RPAP2: variants seen among roughly 807,000 people sequenced by gnomAD.
The protein encoded by RPAP2 is RNA polymerase II associated protein 2.
In RPAP2, 52 loss-of-function variants were observed where a neutral mutation model predicts 73.1. The observed-to-expected ratio is 0.71, with a 90% CI of 0.57 to 0.90. RPAP2 has a LOEUF of 0.90. Among genes scored for constraint, RPAP2 ranks in the 40% least tolerant of loss-of-function variants. The pLI is 0.00. For missense variants in RPAP2, 598 were observed against 701.8 expected (o/e 0.85, Z 1.67); for synonymous variants, 225 against 242.1 (o/e 0.93, Z 0.65).
At position 92,304,313 on chromosome 1, in the gene RPAP2, C is replaced by A; in HGVS notation, c.363C>A (p.Thr121=). 6.6e-7 allele frequency: 1 copy of A among 1,513,386 alleles called. No individual in the cohort carries two copies. Among genetic ancestry groups the A allele is most frequent in the South Asian group, 1.2e-5 (1 of 84,842 alleles). 93.7% of individuals were successfully genotyped at this position (1,513,386 alleles called of 1,614,324 possible). A position where few individuals can be genotyped will look rare whatever the true frequency, so the allele number is the denominator to read the frequency against. The part of the protein sequence containing the change: ...IVPKQKYKIS[T]KTNKVYDITE... Reference sequence around the variant, plus strand: ...CAAAACAGAAATATAAAATTTCTACCAAAACCAATAAAGTCTATGATATTA... The same window carrying A: ...CAAAACAGAAATATAAAATTTCTACAAAAACCAATAAAGTCTATGATATTA... The change falls in exon 5 of 13, where the codon ACC becomes ACA. Residue 121 remains threonine (T), a synonymous_variant. Transcript: ENST00000610020.
intron 10 of RPAP2, among the ~76,000 whole-genome samples, chr1:92,343,591 T>C (rs1397099834): frequency 6.6e-6 from 1 of 152,186 alleles, no homozygotes; most frequent in Non-Finnish European, 1.5e-5. Flanking sequence ...TTGATTCAGG[T>C]ATATATTTTA....
At chr1:92,380,568 C>T (rs532631701) in intron 11 of RPAP2, among the ~76,000 whole-genome samples, 156 bp from the exon 12 acceptor site, 3 of 152,338 alleles carry the variant, frequency 2.0e-5, no homozygotes, top group African/African-American at 7.2e-5. Flanking sequence ...TGAGACTTCT[C>T]TTCTGCCTTT....
chr1:92,362,400 T>C (rs554118288), intron 11 of RPAP2, among the ~76,000 whole-genome samples: 10 of 152,350 alleles, frequency 6.6e-5, no homozygotes, highest in Non-Finnish European at 1.2e-4. Flanking sequence ...TACAAAGTTT[T>C]AAAGCAGATT....
At chr1:92,363,597 ATGGGTTTATGGGTT>A (rs1654815763) in intron 11 of RPAP2, 1 of 163,588 alleles carries the variant, frequency 6.1e-6, no homozygotes, top group African/African-American at 2.4e-5. Context: ...CTTGAACAAC[ATGGGTTTATGGGTT>A]TGAACTGTGC....
intron 6 of RPAP2, among the ~76,000 whole-genome samples, chr1:92,319,418 G>A (rs1006118726): frequency 1.5e-4 from 23 of 152,102 alleles, no homozygotes; most frequent in African/African-American, 5.3e-4. Flanking sequence ...CTACATCGTT[G>A]TTATGAGGAT....
rs145309268 is a variant in RPAP2, at chr1:92,314,062, T to A, written c.489-6537T>A. 5.2e-4 allele frequency among the ~76,000 whole-genome samples: 79 copies of A among 152,306 alleles called. No individual in the cohort carries two copies. In the East Asian group the frequency reaches 0.014, roughly 28 times the overall value. ...TAACCTATCCAGACCACTAAAACTT[T>A]CTCTATACCAGCAATAAGGCTGTTT... is the stretch of plus-strand genomic sequence containing the variant. On this transcript the variant is annotated intron_variant, in intron 6 of 12. Transcript: ENST00000610020.
At chr1:92,361,879 G>T (rs939557783) in intron 11 of RPAP2, among the ~76,000 whole-genome samples, 3 of 152,074 alleles carry the variant, frequency 2.0e-5, no homozygotes, top group Non-Finnish European at 4.4e-5. Context: ...TAGAAGAATT[G>T]GTTATAGAGC....
intron 2 of RPAP2, 79 bp downstream of exon 2, chr1:92,300,318 G>T: frequency 8.7e-7 from 1 of 1,154,168 alleles, no homozygotes; most frequent in Admixed American, 2.1e-5. Flanking sequence ...AACAATAATG[G>T]TTACCTTTTT....
At chr1:92,342,433 G>A (rs1456656550) in intron 10 of RPAP2, among the ~76,000 whole-genome samples, 5 of 152,202 alleles carry the variant, frequency 3.3e-5, no homozygotes, top group African/African-American at 4.8e-5. Flanking sequence ...GGGGTTGGGT[G>A]TAGTACAGAC....
intron 11 of RPAP2, among the ~76,000 whole-genome samples, chr1:92,374,885 G>T (rs1655320492): frequency 6.6e-6 from 1 of 152,028 alleles, no homozygotes; most frequent in African/African-American, 2.4e-5. Flanking sequence ...TGGGTGATGG[G>T]TGCACCAGAA....
At chr1:92,380,604 T>C in intron 11 of RPAP2, 120 bp from the exon 12 acceptor site, 1 of 596,080 alleles carries the variant, frequency 1.7e-6, no homozygotes. Flanking sequence ...TCTCTGGGAG[T>C]TTAGTTAAAT....
At chr1:92,385,529 T>C (rs1263192090) in intron 12 of RPAP2, among the ~76,000 whole-genome samples, 1 of 152,166 alleles carries the variant, frequency 6.6e-6, no homozygotes, top group Non-Finnish European at 1.5e-5. Flanking sequence ...TGGTTGTGAG[T>C]AGAAGGATAG....
chr1:92,339,355 T>A (rs1018486607), intron 10 of RPAP2, among the ~76,000 whole-genome samples: 6 of 121,022 alleles, frequency 5.0e-5, no homozygotes, highest in Admixed American at 2.1e-4. Flanking sequence ...CCAAGGATTC[T>A]GATTTAATTG....
chr1:92,346,001 A>G, intron 11 of RPAP2, 87 bp downstream of exon 11: 5 of 930,154 alleles, frequency 5.4e-6, no homozygotes, highest in Non-Finnish European at 8.5e-6. Context: ...TGATTTTGTA[A>G]ACTGCCTTGG....
At chr1:92,358,124 A>G (rs1367706474) in intron 11 of RPAP2, among the ~76,000 whole-genome samples, 1 of 152,300 alleles carries the variant, frequency 6.6e-6, no homozygotes, top group South Asian at 2.1e-4. Context: ...CAGATCTGAT[A>G]CTATCTTCCA....
intron 11 of RPAP2, among the ~76,000 whole-genome samples, chr1:92,376,636 C>T (rs954072347): frequency 1.3e-5 from 2 of 152,182 alleles, no homozygotes; most frequent in African/African-American, 4.8e-5. Context: ...CCTTCTGCCT[C>T]CCAACTACTT....
Position 92,299,081 on chromosome 1 carries a change from A to G in RPAP2, c.8A>G (p.Asp3Gly). The G allele has an allele frequency of 6.6e-7, 1 of 1,507,966 alleles. No homozygotes were observed. The highest frequency in any genetic ancestry group is 8.9e-7 in the Non-Finnish European group (1 of 1,123,826). 93.4% of individuals were successfully genotyped at this position (1,507,966 alleles called of 1,614,324 possible). ...GGCAGACTACTCTCCCCCATGGCGG[A>G]CTTCGCTGGGCCGTCTTCTGCCGGC... MA[D>G]FAGPSSAGRK... The change falls in exon 1 of 13, where the codon GAC becomes GGC. Residue 3 changes from aspartate (D) to glycine (G), a missense_variant. This residue lies in a region of RPAP2 where 77 missense variants were observed against 55.7 expected (regional missense o/e 1.38). Transcript: ENST00000610020.
chr1:92,345,221 C>T (rs1213416614), intron 10 of RPAP2, among the ~76,000 whole-genome samples: 1 of 151,686 alleles, frequency 6.6e-6, no homozygotes, highest in African/African-American at 2.4e-5. Flanking sequence ...TTACCTTAAG[C>T]CAGACACAGC....
intron 11 of RPAP2, among the ~76,000 whole-genome samples, chr1:92,354,343 T>C (rs1654358514): frequency 6.6e-6 from 1 of 152,204 alleles, no homozygotes; most frequent in Admixed American, 6.5e-5. Context: ...GGAGACACTA[T>C]TCTGAGAGAA....
Sources: allele counts gnomAD v4.1 joint callset (sites outside exome capture counted in the v4.1 genomes callset), GRCh38; gene constraint gnomAD v4.1.1; regional missense constraint gnomAD v4.1.1; transcripts MANE v1.5; gene names NCBI Gene and HGNC (gene_info 2026-07-23, HGNC 2026-07-21).